EXOC5: variants seen among roughly 807,000 people sequenced by gnomAD.
The protein encoded by EXOC5 is SEC10-like 1.
A neutral mutation model predicts 90.8 loss-of-function variants in EXOC5; 17 were observed. The ratio of observed to expected loss-of-function variants is 0.19; its 90% CI spans 0.13 to 0.28. The LOEUF is 0.28. EXOC5 is among the 10% of genes least tolerant of loss of function. EXOC5 has a pLI of 1.00. For missense variants in EXOC5, 569 were observed against 830.6 expected (o/e 0.69, Z 3.87); for synonymous variants, 260 against 270.0 (o/e 0.96, Z 0.36).
At chr14:57,257,433 T>C (rs1272647186) in intron 1 of EXOC5, among the ~76,000 whole-genome samples, 2 of 152,110 alleles carry the variant, frequency 1.3e-5, no homozygotes, top group Admixed American at 1.3e-4. Flanking sequence ...CATCAACATA[T>C]AGATGGTTAC....
intron 9 of EXOC5, chr14:57,232,956 G>A: frequency 9.2e-6 from 4 of 434,150 alleles, no homozygotes; most frequent in Non-Finnish European, 1.6e-5. Flanking sequence ...TTTACCTGTA[G>A]AGGATCTTTA....
intron 1 of EXOC5, among the ~76,000 whole-genome samples, chr14:57,249,263 G>A (rs2139656920): frequency 6.6e-6 from 1 of 152,102 alleles, no homozygotes; most frequent in Middle Eastern, 3.4e-3. Context: ...AAAATCTACA[G>A]TACTTCCATT....
At chr14:57,213,707 G>A (rs1229780321) in intron 15 of EXOC5, among the ~76,000 whole-genome samples, 2 of 151,930 alleles carry the variant, frequency 1.3e-5, no homozygotes, top group African/African-American at 4.8e-5. Context: ...AGTAGTTCAC[G>A]CCTGTAATCC....
rs991590776 is a variant in EXOC5 at position 57,204,230 on chromosome 14, G to C, written c.*4379C>G. ...AGGAATTTTGTTAAGCCCAGGGGCA[G>C]CCTAGCTGCTTTAATTTGGCAATTA... On this transcript the variant is annotated 3_prime_UTR_variant, in exon 18 of 18. Transcript: ENST00000621441. 1.3e-5 allele frequency: 2 copies of C among 152,122 alleles called. No individual in the cohort carries two copies. The highest frequency in any genetic ancestry group is 6.6e-5 in the Admixed American group (1 of 15,264). The allele number at this position is 152,122 out of a possible 1,614,324, so 9.4% of individuals were successfully genotyped here.
intron 12 of EXOC5, among the ~76,000 whole-genome samples, chr14:57,225,700 T>C (rs1457756314): frequency 6.6e-6 from 1 of 152,168 alleles, no homozygotes. Context: ...TTTATTTTGC[T>C]AAGGTTAAGG....
chr14:57,209,875 G>GA, intron 16 of EXOC5, 78 bp downstream of exon 16: 2 of 1,227,702 alleles, frequency 1.6e-6, no homozygotes, highest in South Asian at 1.4e-5. Flanking sequence ...AAGTATAAAA[G>GA]AAAAAAATCT....
intron 12 of EXOC5, among the ~76,000 whole-genome samples, chr14:57,227,945 T>TATAC (rs1419324628): frequency 4.1e-5 from 6 of 145,920 alleles, no homozygotes; most frequent in African/African-American, 9.9e-5. Context: ...CATATATATA[T>TATAC]ACACACACAC....
rs1883557874 is a variant in EXOC5 at position 57,233,748 on chromosome 14, G to A, written c.850C>T (p.Leu284=). Residue 284 remains leucine (L), a synonymous_variant, in exon 9 of 18, where the codon CTA becomes TTA. Coordinates refer to ENST00000621441, the MANE Select transcript of EXOC5 (RefSeq NM_006544.4). Reference sequence around the variant, plus strand: ...TTGTTACTATTTAAAATTACCTGTAGTTTGATTTCAAATACATTTTGAATA... The same window carrying A: ...TTGTTACTATTTAAAATTACCTGTAATTTGATTTCAAATACATTTTGAATA... The part of the protein sequence containing the change: ...KLIQNVFEIK[L]QSFVKEQLEE... 1.3e-6 allele frequency: 2 copies of A among 1,549,476 alleles called. No individual in the cohort carries two copies. Among genetic ancestry groups the A allele is most frequent in the East Asian group, 2.3e-5 (1 of 44,340 alleles).
chr14:57,237,922 A>G (rs999238463), intron 5 of EXOC5, among the ~76,000 whole-genome samples: 2 of 152,114 alleles, frequency 1.3e-5, no homozygotes, highest in African/African-American at 2.4e-5. Context: ...TAGCCATTCA[A>G]TCTTTACAAA....
chr14:57,213,425 G>A (rs935397495), intron 15 of EXOC5, among the ~76,000 whole-genome samples: 6 of 150,870 alleles, frequency 4.0e-5, no homozygotes, highest in Non-Finnish European at 7.4e-5. Flanking sequence ...TTATTTTTTT[G>A]AGACACAGTT....
chr14:57,234,042 A>C lies in EXOC5; in HGVS notation c.670-10T>G. 1.3e-6 allele frequency: 2 copies of C among 1,559,124 alleles called. No individual in the cohort carries two copies. The highest frequency in any genetic ancestry group is 1.8e-6 in the Non-Finnish European group (2 of 1,131,608). On this transcript the variant is annotated splice_polypyrimidine_tract_variant and intron_variant, in intron 7 of 17. Transcript: ENST00000621441. Reference sequence around the variant, plus strand: ...CACAATGGGAATAACCCTACAAGGAAGAAACACATTGTTATTATTCTGATT... The same window carrying C: ...CACAATGGGAATAACCCTACAAGGACGAAACACATTGTTATTATTCTGATT...
chr14:57,201,531 C>T lies in EXOC5; in HGVS notation c.*7078G>A, dbSNP rs187313575. 2 of 141,620 alleles carry T rather than the reference C, an allele frequency of 1.4e-5. No individual in the cohort carries two copies. The highest frequency in any genetic ancestry group is 7.0e-5 in the Admixed American group (1 of 14,286). 8.8% of individuals were successfully genotyped at this position (141,620 alleles called of 1,614,324 possible). ...ACACATATGTATATATATACACACA[C>T]ACCACACATATACATATATTTTTAT... On this transcript the variant is annotated 3_prime_UTR_variant, in exon 18 of 18. Coordinates refer to ENST00000621441, the MANE Select transcript of EXOC5 (RefSeq NM_006544.4).
chr14:57,215,131 G>C (rs1330104166), intron 15 of EXOC5, among the ~76,000 whole-genome samples: 1 of 151,856 alleles, frequency 6.6e-6, no homozygotes, highest in Non-Finnish European at 1.5e-5. Flanking sequence ...ATTTGGGAGG[G>C]TGAGGCAGGG....
At chr14:57,254,901 C>CT (rs1884304333) in intron 1 of EXOC5, among the ~76,000 whole-genome samples, 8 of 152,140 alleles carry the variant, frequency 5.3e-5, no homozygotes, top group Admixed American at 5.2e-4. Context: ...CCCCAGAACA[C>CT]TGAGAAATAA....
chr14:57,235,786 C>T lies in EXOC5; in HGVS notation c.594G>A (p.Gln198=), dbSNP rs1371997909. The T allele has an allele frequency of 6.4e-7, 1 of 1,558,592 alleles. No homozygotes were observed. The highest frequency in any genetic ancestry group is 1.4e-5 in the African/African-American group (1 of 73,730). Residue 198 remains glutamine (Q), a synonymous_variant, in exon 7 of 18, where the codon CAG becomes CAA. Coordinates refer to ENST00000621441, the MANE Select transcript of EXOC5 (RefSeq NM_006544.4). ...CTCTTCTTTGAGCACTGGTAAACTC[C>T]TGAATCAGCTGGCATTCTAAATCAT... is the stretch of plus-strand genomic sequence containing the variant. ...KYHDLECQLI[Q]EFTSAQRRGE... is the part of the protein sequence containing the mutation.
At chr14:57,242,252 T>C (rs1883891066) in intron 4 of EXOC5, among the ~76,000 whole-genome samples, 1 of 151,818 alleles carries the variant, frequency 6.6e-6, no homozygotes, top group South Asian at 2.1e-4. Context: ...ATGAGAAGAT[T>C]CTTTTTTTTC....
chr14:57,218,986 T>C (rs1032435131), intron 14 of EXOC5, among the ~76,000 whole-genome samples: 3 of 152,096 alleles, frequency 2.0e-5, no homozygotes, highest in African/African-American at 7.2e-5. Context: ...GGACTTTGTC[T>C]ATCGGATCTT....
At chr14:57,264,967 C>G (rs1482452320) in intron 1 of EXOC5, among the ~76,000 whole-genome samples, 1 of 152,030 alleles carries the variant, frequency 6.6e-6, no homozygotes, top group Non-Finnish European at 1.5e-5. Context: ...ATTAAGTTAA[C>G]AAGCAGTAGA....
intron 1 of EXOC5, among the ~76,000 whole-genome samples, chr14:57,254,755 C>G (rs770526656): frequency 6.6e-6 from 1 of 152,066 alleles, no homozygotes; most frequent in Non-Finnish European, 1.5e-5. Context: ...AATGTTCTTA[C>G]AGGAAAAAGA....
Sources: gnomAD v4.1 joint callset for allele counts (sites outside exome capture counted in the v4.1 genomes callset) on GRCh38, gnomAD v4.1.1 for gene constraint, MANE v1.5 for transcripts, NCBI Gene and HGNC (gene_info 2026-07-23, HGNC 2026-07-21) for gene names.